Variants in NRXN1 observed in about 807,000 individuals in gnomAD.
NRXN1 encodes neurexin 1.
NRXN1 carries 39 observed loss-of-function variants against 150.9 expected under a neutral mutation model. That is an observed-to-expected ratio of 0.26 (90% CI 0.20 to 0.34). NRXN1 has a LOEUF of 0.34. Among genes scored for constraint, NRXN1 ranks in the 10% least tolerant of loss-of-function variants. NRXN1 has a pLI of 1.00. For synonymous variants in NRXN1, 924 were observed against 757.0 expected, an observed-to-expected ratio of 1.22 and a Z score of -3.62; for missense variants, 1,815 against 1,949.9, an observed-to-expected ratio of 0.93 and a Z score of 1.30.
chr2:50,878,730 A>T (rs922140121), intron 5 of NRXN1, among the ~76,000 whole-genome samples: 48 of 151,960 alleles, frequency 3.2e-4, no homozygotes, highest in African/African-American at 1.0e-3. Flanking sequence ...GTTCCACAGA[A>T]CCTTTCATCA....
intron 2 of NRXN1, among the ~76,000 whole-genome samples, chr2:51,006,977 C>A (rs1313909797): frequency 6.6e-6 from 1 of 151,040 alleles, no homozygotes; most frequent in Non-Finnish European, 1.5e-5. Context: ...CACCTATAAT[C>A]TATGAACACC....
chr2:50,281,491 C>CT (rs888870032), intron 17 of NRXN1, among the ~76,000 whole-genome samples: 12 of 150,748 alleles, frequency 8.0e-5, no homozygotes, highest in East Asian at 2.0e-4. Flanking sequence ...AGTCGCTTAA[C>CT]TTTTTTTTTG....
In NRXN1 at chr2:50,793,486, C is replaced by A. The variant is rs376853837; in HGVS notation, c.832+128383G>T. 4.7e-4 allele frequency among the ~76,000 whole-genome samples: 72 copies of A among 152,164 alleles called. 2 individuals carry two copies. In the South Asian group the frequency reaches 0.011, roughly 24 times the overall value. ...CCTTCACTAAAGGGTTAATCAAGAA[C>A]CATTACTCTAAAAACTCAAAACAAT... On this transcript the variant is annotated intron_variant, in intron 5 of 22. Transcript: ENST00000401669.
chr2:50,833,433 C>A (rs919172426), intron 5 of NRXN1, among the ~76,000 whole-genome samples: 26 of 152,132 alleles, frequency 1.7e-4, no homozygotes, highest in Non-Finnish European at 7.4e-5. Flanking sequence ...GATAAACATA[C>A]TGTGGTACCT....
chr2:50,663,411 T>A (rs962012090), intron 5 of NRXN1, among the ~76,000 whole-genome samples: 2 of 152,022 alleles, frequency 1.3e-5, no homozygotes, highest in Middle Eastern at 3.2e-3. Flanking sequence ...CTGTTCCCTC[T>A]GTTTTCAGTT....
chr2:50,193,406 G>A (rs927571784), intron 18 of NRXN1, among the ~76,000 whole-genome samples: 8 of 151,980 alleles, frequency 5.3e-5, no homozygotes, highest in Admixed American at 4.6e-4. Flanking sequence ...ACCAAACAAA[G>A]CTGCTGTGTT....
chr2:50,676,189 T>A (rs1048111802), intron 5 of NRXN1, among the ~76,000 whole-genome samples: 1 of 152,106 alleles, frequency 6.6e-6, no homozygotes, highest in Non-Finnish European at 1.5e-5. Flanking sequence ...TCTCTCACCA[T>A]GTGACATGCT....
At chr2:49,925,579 GAA>G (rs1245308380) in intron 22 of NRXN1, among the ~76,000 whole-genome samples, 1 of 151,716 alleles carries the variant, frequency 6.6e-6, no homozygotes, top group Non-Finnish European at 1.5e-5. Flanking sequence ...ACTAAAATGT[GAA>G]AAAAAGAGAA....
intron 5 of NRXN1, among the ~76,000 whole-genome samples, chr2:50,718,971 C>T (rs1191495204): frequency 6.6e-6 from 1 of 150,638 alleles, no homozygotes; most frequent in Non-Finnish European, 1.5e-5. Context: ...ATATATAAAA[C>T]TAATATATAA....
chr2:50,975,018 C>T (rs896267413), intron 2 of NRXN1, among the ~76,000 whole-genome samples: 3 of 151,912 alleles, frequency 2.0e-5, no homozygotes, highest in Admixed American at 6.6e-5. Flanking sequence ...GGTTCCAGGG[C>T]CCCCTGGAAC....
At chr2:50,135,127 C>T (rs1706190790) in intron 18 of NRXN1, among the ~76,000 whole-genome samples, 1 of 152,164 alleles carries the variant, frequency 6.6e-6, no homozygotes, top group Non-Finnish European at 1.5e-5. Flanking sequence ...AACAGAAAAG[C>T]ATGCTTACTG....
intron 17 of NRXN1, among the ~76,000 whole-genome samples, chr2:50,311,991 A>G (rs1323365710): frequency 2.0e-5 from 3 of 152,172 alleles, no homozygotes; most frequent in Non-Finnish European, 4.4e-5. Flanking sequence ...TGGCAAAAAT[A>G]ACAGAATATA....
At chr2:50,536,052 C>T (rs937094437) in intron 10 of NRXN1, among the ~76,000 whole-genome samples, 3 of 152,130 alleles carry the variant, frequency 2.0e-5, no homozygotes, top group Admixed American at 6.6e-5. Context: ...GTCAAAGCCC[C>T]CTGTTTTAAA....
chr2:50,574,369 GATATGAACCAAAAGCTTCC>G (rs1266874157), intron 8 of NRXN1, among the ~76,000 whole-genome samples: 2 of 151,984 alleles, frequency 1.3e-5, no homozygotes, highest in Non-Finnish European at 2.9e-5. Flanking sequence ...TTGAAATTTG[GATATGAACCAAAAGCTTCC>G]GTCTTCAAGG....
chr2:50,223,052 G>C (rs2064027093), intron 18 of NRXN1, among the ~76,000 whole-genome samples: 1 of 151,646 alleles, frequency 6.6e-6, no homozygotes, highest in Non-Finnish European at 1.5e-5. Flanking sequence ...TTCATCCGTA[G>C]GCAACAAATA....
At chr2:50,734,526 G>A (rs1698480416) in intron 5 of NRXN1, among the ~76,000 whole-genome samples, 1 of 152,054 alleles carries the variant, frequency 6.6e-6, no homozygotes. Flanking sequence ...TAGGTGTGAA[G>A]ATAGAATTCT....
chr2:50,170,340 G>A (rs1379821789), intron 18 of NRXN1, among the ~76,000 whole-genome samples: 1 of 152,022 alleles, frequency 6.6e-6, no homozygotes, highest in African/African-American at 2.4e-5. Flanking sequence ...CTATTGCCCA[G>A]TCTGGAGTGC....
intron 2 of NRXN1, among the ~76,000 whole-genome samples, chr2:50,947,800 T>C (rs976715608): frequency 6.6e-6 from 1 of 152,038 alleles, no homozygotes; most frequent in African/African-American, 2.4e-5. Flanking sequence ...GAAATAGACA[T>C]GTATAATATC....
At chr2:51,017,020 T>C (rs1408502205) in intron 2 of NRXN1, among the ~76,000 whole-genome samples, 1 of 151,638 alleles carries the variant, frequency 6.6e-6, no homozygotes, top group Non-Finnish European at 1.5e-5. Context: ...AACCAAGCCC[T>C]GCATGATCTC....
Sources: gnomAD v4.1 joint callset for allele counts (sites outside exome capture counted in the v4.1 genomes callset) on GRCh38, gnomAD v4.1.1 for gene constraint, MANE v1.5 for transcripts, NCBI Gene and HGNC (gene_info 2026-07-23, HGNC 2026-07-21) for gene names.